RABGAP1L: variants seen among roughly 807,000 people sequenced by gnomAD.
The protein encoded by RABGAP1L is RAB GTPase activating protein 1 like.
In RABGAP1L, 63 loss-of-function variants were observed where a neutral mutation model predicts 137.7. The observed-to-expected ratio is 0.46, with a 90% confidence interval of 0.37 to 0.56. The LOEUF (loss-of-function observed/expected upper bound fraction) is 0.56. Among genes scored for constraint, RABGAP1L ranks in the 20% least tolerant of loss-of-function variants. RABGAP1L has a pLI of 0.00. For missense variants in RABGAP1L, 1,095 were observed against 1,244.0 expected (o/e 0.88, Z 1.80); for synonymous variants, 431 against 433.7 (o/e 0.99, Z 0.08).
intron 10 of RABGAP1L, among the ~76,000 whole-genome samples, chr1:174,282,677 G>A (rs1257876826): frequency 2.0e-5 from 3 of 151,872 alleles, no homozygotes; most frequent in South Asian, 2.1e-4. Flanking sequence ...TCCTATCTAA[G>A]GAAATTTTGC....
At chr1:174,731,880 G>A (rs577991911) in intron 17 of RABGAP1L, among the ~76,000 whole-genome samples, 3 of 152,274 alleles carry the variant, frequency 2.0e-5, no homozygotes, top group African/African-American at 7.2e-5. Context: ...GAAAAAACAA[G>A]GGACTATGTT....
chr1:174,240,231 TTTTGTTTTTGTTTTTGTG>T (rs1299444754), intron 4 of RABGAP1L, among the ~76,000 whole-genome samples: 3 of 151,964 alleles, frequency 2.0e-5, no homozygotes, highest in South Asian at 2.1e-4. Context: ...TTTTGTTTTG[TTTTGTTTTTGTTTTTGTG>T]TTTGTTTTTG....
intron 20 of RABGAP1L, chr1:174,965,029 C>CT: frequency 7.4e-7 from 1 of 1,345,146 alleles, no homozygotes; most frequent in Non-Finnish European, 1.0e-6. Context: ...ACATCAGTGT[C>CT]TGTCTCTTTG....
At chr1:174,624,131 A>AC (rs1672758110) in intron 13 of RABGAP1L, among the ~76,000 whole-genome samples, 1 of 152,178 alleles carries the variant, frequency 6.6e-6, no homozygotes, top group Non-Finnish European at 1.5e-5. Flanking sequence ...AATTAGAGTC[A>AC]CATCTACTGG....
At chr1:174,534,134 G>GTGTGTT (rs1240914089) in intron 13 of RABGAP1L, among the ~76,000 whole-genome samples, 1 of 13,142 alleles carries the variant, frequency 7.6e-5, no homozygotes, top group Non-Finnish European at 1.3e-4. Context: ...GGTCAACTCT[G>GTGTGTT]TGTGTGTGTG....
chr1:174,593,164 A>G (rs1433861932), intron 13 of RABGAP1L, among the ~76,000 whole-genome samples: 6 of 76,110 alleles, frequency 7.9e-5, no homozygotes, highest in African/African-American at 5.0e-4. Flanking sequence ...GTATTCTCTG[A>G]TGGTAGTTTG....
chr1:174,506,230 A>G (rs1661802525), intron 13 of RABGAP1L, among the ~76,000 whole-genome samples: 1 of 152,214 alleles, frequency 6.6e-6, no homozygotes, highest in African/African-American at 2.4e-5. Context: ...CATGGTAATT[A>G]TACTTAATGA....
At chr1:174,866,108 GGGGAGAGAGA>G (rs1340244321) in intron 19 of RABGAP1L, among the ~76,000 whole-genome samples, 8 of 110,708 alleles carry the variant, frequency 7.2e-5, no homozygotes, top group African/African-American at 2.9e-4. Flanking sequence ...AGGGAGGGAG[GGGGAGAGAGA>G]GAGAGAGAGA....
rs755320605 is a variant in RABGAP1L at position 174,637,473 on chromosome 1, C to G, written c.1809C>G (p.Leu603=). 75 of 1,602,256 alleles carry G rather than the reference C, an allele frequency of 4.7e-5. No individual in the cohort carries two copies. The highest frequency in any genetic ancestry group is 6.1e-5 in the Non-Finnish European group (71 of 1,169,340). ...KDTGGDGQES[L]YKICKAYSVY... ...CTGGAGGAGATGGTCAAGAATCGCT[C>G]TATAAGATCTGCAAGGTAGGACTCT... The change falls in exon 14 of 26, where the codon CTC becomes CTG. Residue 603 remains leucine (L), a synonymous_variant. Transcript: ENST00000681986.
chr1:174,304,564 A>C (rs561987051), intron 10 of RABGAP1L, among the ~76,000 whole-genome samples: 69 of 152,124 alleles, frequency 4.5e-4, no homozygotes, highest in Admixed American at 1.1e-3. Flanking sequence ...GATGGGTATA[A>C]TATAGGAAGG....
At chr1:174,307,200 T>C (rs1213613612) in intron 11 of RABGAP1L, among the ~76,000 whole-genome samples, 1 of 152,198 alleles carries the variant, frequency 6.6e-6, no homozygotes. Context: ...GAGTCCAGGC[T>C]ATCTGACTTT....
At chr1:174,766,456 C>T (rs1685678412) in intron 18 of RABGAP1L, among the ~76,000 whole-genome samples, 1 of 152,196 alleles carries the variant, frequency 6.6e-6, no homozygotes, top group African/African-American at 2.4e-5. Flanking sequence ...ATCTGTGTGT[C>T]TGTTCTTACA....
At chr1:174,527,475 G>C (rs954021172) in intron 13 of RABGAP1L, among the ~76,000 whole-genome samples, 4 of 152,058 alleles carry the variant, frequency 2.6e-5, no homozygotes, top group African/African-American at 9.7e-5. Context: ...CAAAGTGCTG[G>C]GATTACAGGC....
At chr1:174,390,223 C>G (rs187703917) in intron 12 of RABGAP1L, among the ~76,000 whole-genome samples, 1 of 151,990 alleles carries the variant, frequency 6.6e-6, no homozygotes, top group African/African-American at 2.4e-5. Flanking sequence ...ATGAGTGACC[C>G]AGTTCTTTTT....
intron 11 of RABGAP1L, among the ~76,000 whole-genome samples, chr1:174,325,998 C>G (rs972505125): frequency 9.2e-5 from 14 of 152,218 alleles, no homozygotes; most frequent in African/African-American, 2.7e-4. Flanking sequence ...AGACTCGTGT[C>G]TAACCTGGGC....
intron 13 of RABGAP1L, among the ~76,000 whole-genome samples, chr1:174,620,147 G>A (rs771241369): frequency 4.6e-5 from 7 of 152,042 alleles, no homozygotes; most frequent in African/African-American, 1.4e-4. Flanking sequence ...AGCCGTTAGA[G>A]ACCTGCAAGA....
In RABGAP1L at chr1:174,721,239, T is replaced by G. The variant is rs570961221; in HGVS notation, c.2169+18983T>G. Among the ~76,000 whole-genome samples the G allele has an allele frequency of 4.3e-3, 650 of 152,356 alleles. 6 individuals are homozygous for G. The highest frequency in any genetic ancestry group is 7.5e-3 in the Non-Finnish European group (509 of 68,032). ...CAGATGATAAAGGTGTGATGCTTTC[T>G]CTGGAGGAACAAGAAGACGGCCATA... On this transcript the variant is annotated intron_variant, in intron 17 of 25. Coordinates refer to ENST00000681986, the MANE Select transcript of RABGAP1L (RefSeq NM_001366446.1).
At chr1:174,272,943 G>A (rs923352824) in intron 8 of RABGAP1L, among the ~76,000 whole-genome samples, 1 of 151,900 alleles carries the variant, frequency 6.6e-6, no homozygotes, top group Admixed American at 6.6e-5. Context: ...TATACTAGGA[G>A]TAATATTTAT....
chr1:174,897,978 C>CAAAAAAAA (rs1229186256), intron 19 of RABGAP1L: 1 of 88,096 alleles, frequency 1.1e-5, no homozygotes, highest in Non-Finnish European at 2.4e-5. Flanking sequence ...GACTCCATCT[C>CAAAAAAAA]AAAAAAAAAA....
Sources: allele counts gnomAD v4.1 joint callset (sites outside exome capture counted in the v4.1 genomes callset), GRCh38; gene constraint gnomAD v4.1.1; transcripts MANE v1.5; gene names NCBI Gene and HGNC (gene_info 2026-07-23, HGNC 2026-07-21).